PDE4B: variants seen among roughly 807,000 people sequenced by gnomAD.
The protein encoded by PDE4B is 3',5'-cyclic-AMP phosphodiesterase 4B.
Under a neutral mutation model 82.2 loss-of-function variants are expected in PDE4B, and 20 were observed. That is an observed-to-expected ratio of 0.24 (90% CI 0.17 to 0.35). PDE4B has a LOEUF of 0.35. PDE4B is among the 10% of genes least tolerant of loss of function. PDE4B has a pLI of 1.00. For missense variants in PDE4B, 655 were observed against 907.2 expected (o/e 0.72, Z 3.57); for synonymous variants, 320 against 318.9 (o/e 1.00, Z -0.04).
intron 4 of PDE4B, among the ~76,000 whole-genome samples, chr1:66,253,474 A>T (rs1653947875): frequency 6.6e-6 from 1 of 152,212 alleles, no homozygotes; most frequent in Non-Finnish European, 1.5e-5. Flanking sequence ...TCGTTATTCT[A>T]CAAATTTGTA....
intron 1 of PDE4B, among the ~76,000 whole-genome samples, chr1:65,825,705 C>CCTGTCTGTCTGTCTGTCTGTCTAT (rs752252352): frequency 2.6e-4 from 28 of 107,448 alleles, no homozygotes; most frequent in African/African-American, 9.0e-4. Context: ...AACAAAATTA[C>CCTGTCTGTCTGTCTGTCTGTCTAT]CTATCTATCT....
chr1:66,305,371 AT>A (rs1265291253), intron 7 of PDE4B, among the ~76,000 whole-genome samples: 2 of 152,166 alleles, frequency 1.3e-5, no homozygotes. Flanking sequence ...TAGTCTTCTT[AT>A]TTAGGGTTGT....
rs71058452 is a variant in PDE4B, at chr1:66,131,592, GATATATATATATATATATATATATAT to G, written c.282-115847_282-115822del. Among the ~76,000 whole-genome samples, 133 of 32,868 alleles carry G rather than the reference GATATATATATATATATATATATATAT, an allele frequency of 4.0e-3. 5 individuals are homozygous for G. The highest frequency in any genetic ancestry group is 7.0e-3 in the African/African-American group (106 of 15,088). The allele number at this position is 32,868 out of a possible 152,430, so 21.6% of individuals were successfully genotyped here. A position where few individuals can be genotyped will look rare whatever the true frequency, so the allele number is the denominator to read the frequency against. The stretch of plus-strand genomic sequence containing the variant: ...TATTTTCAATATTTTCTGAATGCCA[GATATATATATATATATATATATATAT>G]ATATATATATATATATATATTACTA... On this transcript the variant is annotated intron_variant, in intron 3 of 16. Transcript: ENST00000341517.
At chr1:66,324,472 G>C (rs1442981830) in intron 7 of PDE4B, among the ~76,000 whole-genome samples, 2 of 152,022 alleles carry the variant, frequency 1.3e-5, no homozygotes, top group African/African-American at 2.4e-5. Flanking sequence ...TTTCTCTCTT[G>C]GGGTTATTTT....
intron 3 of PDE4B, among the ~76,000 whole-genome samples, chr1:66,139,623 A>G (rs536196430): frequency 1.3e-5 from 2 of 152,026 alleles, no homozygotes; most frequent in South Asian, 4.2e-4. Context: ...TATGAATTCT[A>G]AGGGATTAGG....
intron 7 of PDE4B, among the ~76,000 whole-genome samples, chr1:66,320,882 G>T (rs1052648484): frequency 3.3e-5 from 5 of 152,200 alleles, no homozygotes; most frequent in Non-Finnish European, 5.9e-5. Context: ...ACACTAGGCT[G>T]CATCCTAAAA....
chr1:66,199,650 G>T (rs922288238), intron 3 of PDE4B, among the ~76,000 whole-genome samples: 2 of 152,060 alleles, frequency 1.3e-5, no homozygotes, highest in African/African-American at 4.8e-5. Flanking sequence ...TAAAATGTAT[G>T]CTTTTTAAAC....
intron 3 of PDE4B, among the ~76,000 whole-genome samples, chr1:65,934,830 T>TA (rs1648036133): frequency 6.6e-6 from 1 of 152,254 alleles, no homozygotes; most frequent in Admixed American, 6.5e-5. Flanking sequence ...ATATAACACT[T>TA]ATATGTACCC....
At chr1:66,059,502 C>G (rs1336134371) in intron 3 of PDE4B, among the ~76,000 whole-genome samples, 1 of 152,156 alleles carries the variant, frequency 6.6e-6, no homozygotes, top group Non-Finnish European at 1.5e-5. Flanking sequence ...GTTTATTGGA[C>G]TTACAGTTCC....
intron 3 of PDE4B, among the ~76,000 whole-genome samples, chr1:65,925,486 C>A (rs1172334813): frequency 6.6e-6 from 1 of 152,122 alleles, no homozygotes; most frequent in Non-Finnish European, 1.5e-5. Flanking sequence ...CAAAACTTTA[C>A]TAGTGTCTCA....
At chr1:65,801,973 A>G (rs1411572690) in intron 1 of PDE4B, among the ~76,000 whole-genome samples, 1 of 152,216 alleles carries the variant, frequency 6.6e-6, no homozygotes, top group Non-Finnish European at 1.5e-5. Flanking sequence ...AATTTTGTGC[A>G]TATGACAAGG....
intron 8 of PDE4B, among the ~76,000 whole-genome samples, chr1:66,337,919 C>G (rs1570721430): frequency 1.3e-5 from 2 of 152,232 alleles, no homozygotes; most frequent in African/African-American, 4.8e-5. Context: ...AGTTTGAGTT[C>G]TAGCCCTGCC....
intron 3 of PDE4B, among the ~76,000 whole-genome samples, chr1:66,210,630 AAAAAG>A (rs1194970146): frequency 1.2e-4 from 18 of 151,398 alleles, no homozygotes; most frequent in East Asian, 5.8e-4. Context: ...GAAAAAGGAA[AAAAAG>A]AAAAGAAAAG....
At chr1:66,231,154 T>C (rs78490611) in intron 3 of PDE4B, among the ~76,000 whole-genome samples, 102 of 152,202 alleles carry the variant, frequency 6.7e-4, no homozygotes, top group African/African-American at 2.5e-3. Flanking sequence ...TTAAAACATA[T>C]TGAAGAATAT....
rs183767309 is a variant in PDE4B at position 65,914,410 on chromosome 1, G to A, written c.42+1054G>A. 4.2e-4 allele frequency among the ~76,000 whole-genome samples: 64 copies of A among 151,288 alleles called. No homozygotes were observed. The East Asian group carries it at 0.011, about 26-fold the overall frequency. Reference sequence around the variant, plus strand: ...TGCCATTTCTATTTTTTGTGTCAAAGAATCTAGTTAATGTGTTCTGTTCTG... The same window carrying A: ...TGCCATTTCTATTTTTTGTGTCAAAAAATCTAGTTAATGTGTTCTGTTCTG... On this transcript the variant is annotated intron_variant, in intron 2 of 16. Coordinates refer to ENST00000341517, the MANE Select transcript of PDE4B (RefSeq NM_002600.4).
At chr1:66,111,625 T>C (rs553706075) in intron 3 of PDE4B, among the ~76,000 whole-genome samples, 2 of 152,260 alleles carry the variant, frequency 1.3e-5, no homozygotes, top group Middle Eastern at 3.4e-3. Context: ...AAATAGTATA[T>C]TTCATTGTAT....
At chr1:66,142,138 A>G (rs1323602088) in intron 3 of PDE4B, among the ~76,000 whole-genome samples, 1 of 152,180 alleles carries the variant, frequency 6.6e-6, no homozygotes, top group African/African-American at 2.4e-5. Context: ...GGTCATCATA[A>G]AGGTCTTCAT....
At chr1:66,325,570 T>C (rs1397050073) in intron 7 of PDE4B, among the ~76,000 whole-genome samples, 3 of 152,178 alleles carry the variant, frequency 2.0e-5, no homozygotes, top group East Asian at 3.8e-4. Context: ...GAAAAAACGA[T>C]CCATCAGGTC....
intron 3 of PDE4B, among the ~76,000 whole-genome samples, chr1:65,963,361 C>T (rs1649646046): frequency 6.6e-6 from 1 of 152,280 alleles, no homozygotes; most frequent in Non-Finnish European, 1.5e-5. Context: ...CCTTTCCTCC[C>T]CAGCATGCCC....
Sources: allele counts gnomAD v4.1 joint callset (sites outside exome capture counted in the v4.1 genomes callset), GRCh38; gene constraint gnomAD v4.1.1; transcripts MANE v1.5; gene names NCBI Gene and HGNC (gene_info 2026-07-23, HGNC 2026-07-21).